The following ALG13 variants were observed in gnomAD, a reference collection of about 807,000 sequenced individuals.
The protein encoded by ALG13 is ALG13 UDP-N-acetylglucosaminyltransferase subunit.
Under a neutral mutation model 87.8 loss-of-function variants are expected in ALG13, and 11 were observed. The ratio of observed to expected loss-of-function variants is 0.13; its 90% CI spans 0.08 to 0.21. The LOEUF is 0.21. Among genes scored for constraint, ALG13 ranks in the 10% least tolerant of loss-of-function variants. ALG13 has a pLI of 1.00. For synonymous variants in ALG13, 320 were observed against 306.3 expected (o/e 1.04, Z -0.47); for missense variants, 756 against 866.1 (o/e 0.87, Z 1.60).
Position 111,718,249 on chromosome X carries a change from G to A in ALG13, c.1225G>A (p.Asp409Asn), listed in dbSNP as rs940730126. 3.4e-6 allele frequency: 4 copies of A among 1,191,870 alleles called. No individual in the cohort carries two copies. Among genetic ancestry groups the A allele is most frequent in the African/African-American group, 1.8e-5 (1 of 56,690 alleles). Residue 409 changes from aspartate to asparagine, a missense_variant, in exon 10 of 27, where the codon GAT (aspartate) becomes AAT (asparagine). By Grantham distance (23) the Asp-to-Asn change is conservative. This residue lies in a region of ALG13 where 48 missense variants were observed against 50.5 expected (regional missense o/e 0.95). Transcript: ENST00000394780. ...AVTGSEDAHT[D>N]YKSSNQNRME... Reference sequence around the variant, plus strand: ...AACTGGAAGCGAGGATGCCCATACTGATTACAAGAGTTCAAATCAGAATAG... The same window carrying A: ...AACTGGAAGCGAGGATGCCCATACTAATTACAAGAGTTCAAATCAGAATAG...
At chrX:111,745,419 T>A (rs1189107056) in intron 24 of ALG13, among the ~76,000 whole-genome samples, 1 of 111,323 alleles carries the variant, frequency 9.0e-6, no homozygotes, top group African/African-American at 3.3e-5. Flanking sequence ...TCATTGGAAG[T>A]TCTTTATTAC....
chrX:111,741,071 A>G (rs933349309), intron 23 of ALG13, among the ~76,000 whole-genome samples: 1 of 112,500 alleles, frequency 8.9e-6, no homozygotes, highest in Non-Finnish European at 1.9e-5. Flanking sequence ...TATGGATGTT[A>G]TAGATGTCCC....
At chrX:111,759,040 G>T (rs1253794997) in intron 26 of ALG13, among the ~76,000 whole-genome samples, 12 of 105,564 alleles carry the variant, frequency 1.1e-4, no homozygotes, top group East Asian at 3.0e-4. Context: ...TTTTTTTTTT[G>T]AATTTTGTGC....
Position 111,717,967 on chromosome X carries a change from T to C in ALG13, c.1087+40T>C, listed in dbSNP as rs369174596. 6.1e-6 allele frequency: 7 copies of C among 1,144,243 alleles called. No homozygotes were observed. In the African/African-American group the frequency reaches 1.3e-4, roughly 20 times the overall value. The allele number at this position is 1,144,243 out of a possible 1,213,427, so 94.3% of individuals were successfully genotyped here. On this transcript the variant is annotated intron_variant, in intron 9 of 26. Coordinates refer to ENST00000394780, the MANE Select transcript of ALG13 (RefSeq NM_001099922.3). ...TATAAATTGTGGGTGTGATTTCAGA[T>C]GACTTGTTTTCACTCAGGGACCCAC...
intron 21 of ALG13, among the ~76,000 whole-genome samples, chrX:111,731,243 G>C (rs1942654405): frequency 8.9e-6 from 1 of 111,998 alleles, no homozygotes. Context: ...TGTAGTACTT[G>C]TTATATTGGG....
chrX:111,714,289 A>G (rs962456173), intron 8 of ALG13: 2 of 111,001 alleles, frequency 1.8e-5, no homozygotes, highest in Non-Finnish European at 3.8e-5. Flanking sequence ...GGTTAATTAC[A>G]GCAAAGTGGT....
intron 3 of ALG13, chrX:111,689,952 A>C: frequency 9.3e-6 from 7 of 753,960 alleles, no homozygotes; most frequent in Non-Finnish European, 1.1e-5. Context: ...TAGGACTTAG[A>C]AATCTGTGAT....
At chrX:111,755,474 A>AACCT (rs773484158) in intron 25 of ALG13, among the ~76,000 whole-genome samples, 1 of 112,453 alleles carries the variant, frequency 8.9e-6, no homozygotes, top group South Asian at 3.7e-4. Context: ...ACAGAAAAAG[A>AACCT]ACCTATCAGT....
chrX:111,685,198 C>T, intron 3 of ALG13, 95 bp downstream of exon 3: 1 of 928,147 alleles, frequency 1.1e-6, no homozygotes, highest in Non-Finnish European at 1.5e-6. Flanking sequence ...TCTTCTGCCT[C>T]TTACCTTCTC....
chrX:111,759,740 T>C lies in ALG13; in HGVS notation c.3155T>C (p.Phe1052Ser). 2 of 1,203,036 alleles carry C rather than the reference T, an allele frequency of 1.7e-6. No homozygotes were observed. The highest frequency in any genetic ancestry group is 2.2e-6 in the Non-Finnish European group (2 of 890,315). ...TATACATCCTTTCTTTCAGATACTT[T>C]TCCGAATGCTGATTCTTCATCTGTC... ...IQAEASANDTFPNADSSSVPH... is the reference protein window; with the variant it reads ...IQAEASANDTSPNADSSSVPH... The change falls in exon 27 of 27, where the codon TTT becomes TCT. Residue 1052 changes from phenylalanine (F) to serine (S), a missense_variant. By Grantham distance (155) the Phe-to-Ser change is radical (BLOSUM62 -2). Coordinates refer to ENST00000394780, the MANE Select transcript of ALG13 (RefSeq NM_001099922.3).
chrX:111,681,761 C>A, intron 1 of ALG13: 2 of 826,320 alleles, frequency 2.4e-6, no homozygotes, highest in Non-Finnish European at 2.9e-6. Flanking sequence ...TTGGCCGGAG[C>A]CCGCGCGGTT....
intron 24 of ALG13, among the ~76,000 whole-genome samples, chrX:111,750,021 C>G (rs999221869): frequency 9.0e-6 from 1 of 111,720 alleles, no homozygotes; most frequent in Non-Finnish European, 1.9e-5. Context: ...GATTAAAGTT[C>G]AACAGACTAA....
chrX:111,718,684 T>C (rs776005650), intron 10 of ALG13, among the ~76,000 whole-genome samples: 2 of 112,031 alleles, frequency 1.8e-5, no homozygotes, highest in Non-Finnish European at 3.8e-5. Flanking sequence ...TGGATCATAC[T>C]TTGAGAAAAT....
At chrX:111,747,510 G>A (rs1944351255) in intron 24 of ALG13, among the ~76,000 whole-genome samples, 1 of 111,217 alleles carries the variant, frequency 9.0e-6, no homozygotes, top group African/African-American at 3.3e-5. Flanking sequence ...ATAGAGAGAT[G>A]GAGTCTTGCT....
intron 19 of ALG13, among the ~76,000 whole-genome samples, chrX:111,729,103 C>T (rs1416634377): frequency 1.8e-5 from 2 of 111,285 alleles, no homozygotes; most frequent in East Asian, 2.8e-4. Context: ...CCCCATTTGC[C>T]CCAACCCCCA....
At position 111,733,909 on chromosome X, in the gene ALG13, C is replaced by T. The variant is rs748729733; in HGVS notation, c.2458-1142C>T. Reference sequence around the variant, plus strand: ...TTTGCATTTCCCTGATAATTAATGACGTTGAGCATTTTTTCTTATGTTTGT... The same window carrying T: ...TTTGCATTTCCCTGATAATTAATGATGTTGAGCATTTTTTCTTATGTTTGT... On this transcript the variant is annotated intron_variant, in intron 21 of 26. Transcript: ENST00000394780. Among the ~76,000 whole-genome samples, 9 of 111,988 alleles carry T rather than the reference C, an allele frequency of 8.0e-5. No homozygotes were observed. The South Asian group carries it at 3.0e-3, about 37-fold the overall frequency.
intron 3 of ALG13, chrX:111,688,589 A>T (rs969130888): frequency 2.7e-6 from 2 of 750,576 alleles, no homozygotes; most frequent in Non-Finnish European, 3.1e-6. Context: ...AAACATACAA[A>T]GTGATAAAAT....
At chrX:111,742,248 C>T (rs909449693) in intron 23 of ALG13, among the ~76,000 whole-genome samples, 6 of 110,931 alleles carry the variant, frequency 5.4e-5, no homozygotes. Flanking sequence ...GTCTCTCTGG[C>T]AGGCCCCTTC....
intron 1 of ALG13, chrX:111,681,544 TC>T: frequency 2.1e-6 from 2 of 975,351 alleles, no homozygotes; most frequent in Non-Finnish European, 2.7e-6. Flanking sequence ...CTCCCTCATT[TC>T]TTCAGCTCCT....
Sources: gnomAD v4.1 joint callset for allele counts (sites outside exome capture counted in the v4.1 genomes callset) on GRCh38, gnomAD v4.1.1 for gene constraint, gnomAD v4.1.1 regional missense constraint, MANE v1.5 for transcripts, NCBI Gene and HGNC (gene_info 2026-07-23, HGNC 2026-07-21) for gene names.